The following HECW1 variants were observed in gnomAD, a reference collection of about 807,000 sequenced individuals.
HECW1 encodes the protein HECT, C2 and WW domain containing E3 ubiquitin protein ligase 1.
Under a neutral mutation model 182.3 loss-of-function variants are expected in HECW1, and 61 were observed. The observed-to-expected ratio is 0.33, with a 90% CI of 0.27 to 0.41. HECW1 has a LOEUF of 0.41. Among genes scored for constraint, HECW1 ranks in the 10% least tolerant of loss-of-function variants. The pLI is 1.00. For synonymous variants in HECW1, 859 were observed against 832.6 expected, an observed-to-expected ratio of 1.03 and a Z score of -0.55; for missense variants, 1,739 against 2,108.9, an observed-to-expected ratio of 0.82 and a Z score of 3.44.
At chr7:43,471,711 A>G (rs1276262677) in intron 16 of HECW1, among the ~76,000 whole-genome samples, 2 of 152,186 alleles carry the variant, frequency 1.3e-5, no homozygotes, top group Non-Finnish European at 2.9e-5. Flanking sequence ...TGAGGGAGGC[A>G]GTCACCATCA....
At chr7:43,122,261 T>C (rs1294571029) in intron 2 of HECW1, among the ~76,000 whole-genome samples, 3 of 152,226 alleles carry the variant, frequency 2.0e-5, no homozygotes, top group Non-Finnish European at 4.4e-5. Flanking sequence ...GCGTGAATCC[T>C]GTCTTTCTCC....
intron 29 of HECW1, among the ~76,000 whole-genome samples, chr7:43,556,931 G>A (rs1366639857): frequency 6.6e-6 from 1 of 151,962 alleles, no homozygotes; most frequent in Non-Finnish European, 1.5e-5. Context: ...CCCTAAGAGG[G>A]CTGCTGCACC....
intron 27 of HECW1, among the ~76,000 whole-genome samples, chr7:43,551,016 T>A (rs2081803076): frequency 6.6e-6 from 1 of 152,192 alleles, no homozygotes; most frequent in South Asian, 2.1e-4. Flanking sequence ...TTGTGCCACG[T>A]AATCTATGCT....
chr7:43,469,189 T>C (rs1190021348), intron 16 of HECW1, 84 bp downstream of exon 16: 1 of 1,390,770 alleles, frequency 7.2e-7, no homozygotes, highest in East Asian at 2.3e-5. Context: ...GAGGAGAGTG[T>C]GGGGAGGAGT....
intron 7 of HECW1, among the ~76,000 whole-genome samples, chr7:43,398,409 T>C (rs1459265835): frequency 1.3e-5 from 2 of 152,216 alleles, no homozygotes; most frequent in African/African-American, 4.8e-5. Context: ...CTGAGGACTC[T>C]GTTGAGCACA....
At chr7:43,316,624 C>G (rs1809285384) in intron 4 of HECW1, among the ~76,000 whole-genome samples, 1 of 151,890 alleles carries the variant, frequency 6.6e-6, no homozygotes, top group South Asian at 2.1e-4. Context: ...TGTAATATTG[C>G]TCCCACAAAG....
At chr7:43,382,778 TCTTA>T (rs1039194848) in intron 6 of HECW1, among the ~76,000 whole-genome samples, 10 of 152,334 alleles carry the variant, frequency 6.6e-5, no homozygotes, top group African/African-American at 1.9e-4. Flanking sequence ...GGATTTATTA[TCTTA>T]CTTTAAGTTC....
chr7:43,233,009 G>A (rs1798015028), intron 2 of HECW1, among the ~76,000 whole-genome samples: 1 of 152,074 alleles, frequency 6.6e-6, no homozygotes, highest in South Asian at 2.1e-4. Context: ...GGAGATGAGT[G>A]CCCCTCTGGC....
At chr7:43,330,365 A>C (rs1464930118) in intron 5 of HECW1, among the ~76,000 whole-genome samples, 1 of 152,226 alleles carries the variant, frequency 6.6e-6, no homozygotes, top group African/African-American at 2.4e-5. Context: ...GCAAGAGGCC[A>C]CATCATACGT....
chr7:43,540,688 C>T (rs2081333129), intron 24 of HECW1, among the ~76,000 whole-genome samples: 1 of 152,242 alleles, frequency 6.6e-6, no homozygotes, highest in Admixed American at 6.5e-5. Flanking sequence ...GCAAGCACAA[C>T]TGCCATATGG....
intron 24 of HECW1, among the ~76,000 whole-genome samples, chr7:43,516,791 C>A (rs939965596): frequency 2.6e-5 from 4 of 152,212 alleles, no homozygotes; most frequent in African/African-American, 9.6e-5. Flanking sequence ...GCAGAGCCTA[C>A]CTCACACCTA....
chr7:43,369,091 C>T (rs1816992272), intron 6 of HECW1, among the ~76,000 whole-genome samples: 2 of 152,116 alleles, frequency 1.3e-5, no homozygotes, highest in Admixed American at 1.3e-4. Context: ...ATCAGATAAA[C>T]AGGGTTCATG....
At chr7:43,418,677 T>G (rs2076089577) in intron 8 of HECW1, among the ~76,000 whole-genome samples, 3 of 152,250 alleles carry the variant, frequency 2.0e-5, no homozygotes, top group Admixed American at 1.3e-4. Flanking sequence ...TTAATGTGCT[T>G]TATTTTGCTG....
chr7:43,474,698 T>C (rs2078156016), intron 16 of HECW1, among the ~76,000 whole-genome samples: 1 of 152,210 alleles, frequency 6.6e-6, no homozygotes, highest in African/African-American at 2.4e-5. Context: ...ATTTAAATAA[T>C]ATAACTTTAT....
chr7:43,450,502 C>A (rs911759976), intron 11 of HECW1, among the ~76,000 whole-genome samples: 1 of 152,188 alleles, frequency 6.6e-6, no homozygotes, highest in African/African-American at 2.4e-5. Context: ...TAAAATCAGG[C>A]TCTGCTAATT....
At chr7:43,522,587 G>A (rs553646326) in intron 24 of HECW1, 51 of 153,608 alleles carry the variant, frequency 3.3e-4, no homozygotes, top group Non-Finnish European at 6.2e-4. Context: ...CCCCACAACA[G>A]CCACCTCACC....
intron 3 of HECW1, among the ~76,000 whole-genome samples, chr7:43,307,876 CTATATA>C (rs71008900): frequency 0.12 from 14,808 of 127,446 alleles, 1,023 homozygotes; most frequent in Middle Eastern, 0.22. Context: ...AATCATTTCA[CTATATA>C]TATATATATA....
intron 3 of HECW1, among the ~76,000 whole-genome samples, chr7:43,264,612 A>C (rs111371091): frequency 2.0e-5 from 3 of 152,050 alleles, no homozygotes; most frequent in Non-Finnish European, 4.4e-5. Flanking sequence ...TTGGGAGGCC[A>C]AGGCGGGCAG....
At chr7:43,190,956 C>A in intron 2 of HECW1, among the ~76,000 whole-genome samples, 1 of 152,156 alleles carries the variant, frequency 6.6e-6, no homozygotes, top group Admixed American at 6.5e-5. Context: ...AGAATATTTT[C>A]CCCCTTCCAT....
Sources: allele counts gnomAD v4.1 joint callset (sites outside exome capture counted in the v4.1 genomes callset), GRCh38; gene constraint gnomAD v4.1.1; transcripts MANE v1.5; gene names NCBI Gene and HGNC (gene_info 2026-07-23, HGNC 2026-07-21).